Variants in ZFHX3 observed in about 807,000 individuals in gnomAD.
The protein encoded by ZFHX3 is zinc finger homeobox protein 3.
A neutral mutation model predicts 279.1 loss-of-function variants in ZFHX3; 42 were observed. The observed-to-expected ratio is 0.15, with a 90% CI of 0.12 to 0.19. The LOEUF (loss-of-function observed/expected upper bound fraction) is 0.19, where lower values mean the gene tolerates loss of function less well. ZFHX3 is among the 10% of genes least tolerant of loss of function. The pLI is 1.00. For missense variants in ZFHX3, 4,981 were observed against 4,754.0 expected, an observed-to-expected ratio of 1.05 and a Z score of -1.40; for synonymous variants, 2,293 against 1,957.8, an observed-to-expected ratio of 1.17 and a Z score of -4.52.
chr16:72,847,727 A>C (rs1225384050), intron 4 of ZFHX3, among the ~76,000 whole-genome samples: 2 of 152,068 alleles, frequency 1.3e-5, no homozygotes, highest in East Asian at 3.9e-4. Flanking sequence ...GCCTAAAGCC[A>C]GAGCAAAAAC....
At chr16:73,659,159 G>A (rs920529679) in intron 2 of ZFHX3, among the ~76,000 whole-genome samples, 2 of 152,182 alleles carry the variant, frequency 1.3e-5, no homozygotes, top group African/African-American at 2.4e-5. Context: ...GGATGGATAT[G>A]TAAGTAATGG....
chr16:73,798,378 G>A (rs2142323055), intron 1 of ZFHX3, among the ~76,000 whole-genome samples: 1 of 151,756 alleles, frequency 6.6e-6, no homozygotes, highest in Non-Finnish European at 1.5e-5. Context: ...CAAGGTGGGG[G>A]GTAGCTAAGC....
intron 1 of ZFHX3, among the ~76,000 whole-genome samples, chr16:73,770,396 T>C (rs967941904): frequency 3.3e-5 from 5 of 152,208 alleles, no homozygotes; most frequent in African/African-American, 1.2e-4. Flanking sequence ...CATTTTGAAC[T>C]TCTAAAGTCC....
chr16:73,388,393 G>A (rs1432569349), intron 3 of ZFHX3, among the ~76,000 whole-genome samples: 1 of 152,186 alleles, frequency 6.6e-6, no homozygotes, highest in Non-Finnish European at 1.5e-5. Context: ...AAGAAAGTAC[G>A]TTGACCCCAA....
intron 2 of ZFHX3, among the ~76,000 whole-genome samples, chr16:73,582,810 AC>A (rs944482226): frequency 1.4e-4 from 22 of 151,866 alleles, no homozygotes; most frequent in African/African-American, 4.9e-4. Context: ...TCCCATCTGA[AC>A]CCAACTCTTG....
intron 2 of ZFHX3, chr16:73,609,102 G>T (rs922399065): frequency 6.6e-6 from 1 of 152,132 alleles, no homozygotes; most frequent in Non-Finnish European, 1.5e-5. Flanking sequence ...GTCTCTATAT[G>T]CACAAGCTGC....
intron 1 of ZFHX3, among the ~76,000 whole-genome samples, chr16:73,014,088 G>A (rs1464164892): frequency 2.0e-5 from 3 of 152,146 alleles, no homozygotes; most frequent in East Asian, 1.9e-4. Context: ...AGAAGAAGGA[G>A]ATGTAACAGA....
intron 1 of ZFHX3, among the ~76,000 whole-genome samples, chr16:73,003,240 G>A (rs201547773): frequency 1.3e-5 from 2 of 150,990 alleles, no homozygotes; most frequent in East Asian, 1.9e-4. Context: ...TCCTTTGCAC[G>A]ACTCTCAGGG....
At chr16:73,638,965 G>C (rs1212508442) in intron 2 of ZFHX3, among the ~76,000 whole-genome samples, 2 of 152,100 alleles carry the variant, frequency 1.3e-5, no homozygotes, top group African/African-American at 4.8e-5. Context: ...AAAGAGAAGA[G>C]AGAAGCAAAA....
intron 1 of ZFHX3, among the ~76,000 whole-genome samples, chr16:73,824,271 C>T (rs1960833128): frequency 6.6e-6 from 1 of 152,004 alleles, no homozygotes; most frequent in Admixed American, 6.6e-5. Context: ...GACAGAGTTG[C>T]TTGAAGCATA....
chr16:73,580,906 T>C (rs887703950), intron 2 of ZFHX3, among the ~76,000 whole-genome samples: 3 of 151,846 alleles, frequency 2.0e-5, no homozygotes, highest in African/African-American at 7.3e-5. Context: ...CACAACAAGA[T>C]ATCTTGCTGT....
At chr16:73,783,130 T>A (rs1038199353) in intron 1 of ZFHX3, among the ~76,000 whole-genome samples, 1 of 151,910 alleles carries the variant, frequency 6.6e-6, no homozygotes, top group Non-Finnish European at 1.5e-5. Flanking sequence ...GCCCGGAGAG[T>A]TGGCTTTGAT....
rs565186668 is a variant in ZFHX3 at position 72,903,484 on chromosome 16, G to A, written c.3217-13522C>T. Among the ~76,000 whole-genome samples, 6 of 152,284 alleles carry A rather than the reference G, an allele frequency of 3.9e-5. No homozygotes were observed. In the East Asian group the frequency reaches 1.2e-3, roughly 29 times the overall value. On this transcript the variant is annotated intron_variant, in intron 3 of 9. Transcript: ENST00000268489. ...TCTAGTAGGGATAACCTCCTCATAT[G>A]TTACATGGAGTTGGACCTTTCTGGA...
intron 7 of ZFHX3, among the ~76,000 whole-genome samples, chr16:72,811,353 G>T (rs2036439738): frequency 6.6e-6 from 1 of 152,200 alleles, no homozygotes; most frequent in Non-Finnish European, 1.5e-5. Flanking sequence ...GGGCAGAGAG[G>T]ATGATAAGGG....
At chr16:72,962,629 A>G (rs1171188490) in intron 1 of ZFHX3, among the ~76,000 whole-genome samples, 1 of 152,162 alleles carries the variant, frequency 6.6e-6, no homozygotes, top group Non-Finnish European at 1.5e-5. Context: ...TGTGGACTTG[A>G]AGCATTATCC....
intron 5 of ZFHX3, among the ~76,000 whole-genome samples, chr16:73,251,636 G>C (rs999629029): frequency 3.3e-5 from 5 of 151,850 alleles, no homozygotes; most frequent in African/African-American, 1.2e-4. Flanking sequence ...ATGAAAAACA[G>C]ATAGATTAGG....
intron 5 of ZFHX3, among the ~76,000 whole-genome samples, chr16:73,244,352 TCTCTC>T (rs1010115905): frequency 6.6e-6 from 1 of 152,032 alleles, no homozygotes; most frequent in African/African-American, 2.4e-5. Flanking sequence ...AGATTATCCT[TCTCTC>T]CTCCATCCTC....
intron 3 of ZFHX3, among the ~76,000 whole-genome samples, chr16:73,433,818 G>A (rs1186066215): frequency 6.6e-6 from 1 of 152,174 alleles, no homozygotes; most frequent in Non-Finnish European, 1.5e-5. Context: ...TGCCTACTGG[G>A]TGAGCCGTGG....
At position 72,787,057 on chromosome 16, in the gene ZFHX3, GT is replaced by G; in HGVS notation, c.*106del. The G allele has an allele frequency of 2.0e-6, 1 of 511,986 alleles. No individual in the cohort carries two copies. Among genetic ancestry groups the G allele is most frequent in the Non-Finnish European group, 2.5e-6 (1 of 392,490 alleles). 31.7% of individuals were successfully genotyped at this position (511,986 alleles called of 1,614,324 possible). On this transcript the variant is annotated 3_prime_UTR_variant, in exon 10 of 10. Transcript: ENST00000268489. ...TTTTTTTCTTTTTTTTTTTTTTTTT[GT>G]TTTTTGGTTAGAAGCTTTGGAATTG...
Sources: allele counts gnomAD v4.1 joint callset (sites outside exome capture counted in the v4.1 genomes callset), GRCh38; gene constraint gnomAD v4.1.1; transcripts MANE v1.5; gene names NCBI Gene and HGNC (gene_info 2026-07-23, HGNC 2026-07-21).